Variants in PCDHA13 observed in about 807,000 individuals in gnomAD.
The protein encoded by PCDHA13 is protocadherin alpha 13.
Under a neutral mutation model 64.8 loss-of-function variants are expected in PCDHA13, and 54 were observed. That is an observed-to-expected ratio of 0.83 (90% CI 0.67 to 1.04). The LOEUF (loss-of-function observed/expected upper bound fraction) is 1.04. Ranked by LOEUF, PCDHA13 falls within the 50% of genes least tolerant of loss-of-function variation. PCDHA13 has a pLI of 0.00. For synonymous variants in PCDHA13, 587 were observed against 564.4 expected (o/e 1.04, Z -0.57); for missense variants, 1,248 against 1,254.3 (o/e 0.99, Z 0.08).
chr5:140,987,799 A>C (rs2097268880), intron 3 of PCDHA13, among the ~76,000 whole-genome samples: 2 of 152,140 alleles, frequency 1.3e-5, no homozygotes, highest in South Asian at 4.1e-4. Flanking sequence ...GATTTTTTTA[A>C]AGTGCCTGTC....
intron 1 of PCDHA13, among the ~76,000 whole-genome samples, chr5:140,898,790 AT>A (rs1193457354): frequency 2.6e-5 from 4 of 152,112 alleles, no homozygotes; most frequent in African/African-American, 7.2e-5. Flanking sequence ...CAGTATGGCC[AT>A]TTTCACGATA....
chr5:140,986,198 C>T (rs782730684), intron 3 of PCDHA13, among the ~76,000 whole-genome samples: 1 of 152,200 alleles, frequency 6.6e-6, no homozygotes, highest in African/African-American at 2.4e-5. Flanking sequence ...ATTGGTTAAT[C>T]CTGATTACTG....
chr5:140,940,195 T>C (rs2092570084), intron 1 of PCDHA13, among the ~76,000 whole-genome samples: 1 of 152,220 alleles, frequency 6.6e-6, no homozygotes, highest in African/African-American at 2.4e-5. Flanking sequence ...TTTACATGGG[T>C]GTAAAATTCA....
At chr5:140,966,268 A>C (rs542154117) in intron 1 of PCDHA13, 5 of 351,754 alleles carry the variant, frequency 1.4e-5, no homozygotes, top group African/African-American at 1.0e-4. Context: ...AGACTGGATG[A>C]ACTGGACAGT....
intron 1 of PCDHA13, among the ~76,000 whole-genome samples, chr5:140,886,642 A>T (rs1412113366): frequency 6.6e-6 from 1 of 152,048 alleles, no homozygotes; most frequent in African/African-American, 2.4e-5. Flanking sequence ...CCTGGCCAAC[A>T]TGGTGAAACC....
rs140680694 is a variant in PCDHA13, at chr5:140,925,580, G to A, written c.2394+40918G>A. 5.4e-3 allele frequency among the ~76,000 whole-genome samples: 819 copies of A among 151,688 alleles called. 10 individuals carry two copies. The highest frequency in any genetic ancestry group is 0.019 in the African/African-American group (777 of 41,364). On this transcript the variant is annotated intron_variant, in intron 1 of 3. Transcript: ENST00000289272. ...GTTAATGGGTGCAGCACACCAACATGGCGCATGTATACATATGTAACAAAC... is the reference window on the plus strand; with the variant it reads ...GTTAATGGGTGCAGCACACCAACATAGCGCATGTATACATATGTAACAAAC...
chr5:140,969,117 A>G (rs1554231477), intron 1 of PCDHA13: 1 of 1,614,178 alleles, frequency 6.2e-7, no homozygotes, highest in Non-Finnish European at 8.5e-7. Context: ...GTTCGAGGGA[A>G]TGGCTCCCTC....
intron 3 of PCDHA13, among the ~76,000 whole-genome samples, chr5:140,983,513 CTG>C (rs1165213074): frequency 6.6e-6 from 1 of 152,196 alleles, no homozygotes; most frequent in Non-Finnish European, 1.5e-5. Context: ...TGCCTAGACA[CTG>C]TGCCAAGTAC....
At chr5:140,960,785 A>C (rs1452809407) in intron 1 of PCDHA13, among the ~76,000 whole-genome samples, 2 of 152,200 alleles carry the variant, frequency 1.3e-5, no homozygotes, top group Admixed American at 1.3e-4. Context: ...AGGGCCAAAC[A>C]AGGTTTCTAT....
chr5:141,000,743 TA>T (rs527867626), intron 3 of PCDHA13, among the ~76,000 whole-genome samples: 276 of 145,094 alleles, frequency 1.9e-3, no homozygotes, highest in Admixed American at 4.4e-3. Context: ...CTCTGTATAT[TA>T]AAAAAAAAAA....
At chr5:140,885,313 A>G (rs2060560221) in intron 1 of PCDHA13, among the ~76,000 whole-genome samples, 1 of 152,144 alleles carries the variant, frequency 6.6e-6, no homozygotes, top group East Asian at 1.9e-4. Flanking sequence ...GCTTTTTGTT[A>G]TTATTTCTTT....
At chr5:140,952,242 C>T (rs1469286013) in intron 1 of PCDHA13, among the ~76,000 whole-genome samples, 2 of 151,750 alleles carry the variant, frequency 1.3e-5, no homozygotes, top group African/African-American at 4.8e-5. Context: ...CTGCTTAGAA[C>T]TGCTGGTGGA....
intron 3 of PCDHA13, among the ~76,000 whole-genome samples, chr5:141,005,934 G>A (rs556608068): frequency 3.4e-4 from 52 of 151,912 alleles, no homozygotes; most frequent in Non-Finnish European, 7.2e-4. Context: ...TTGACAGAGT[G>A]AGAACCTATC....
intron 1 of PCDHA13, among the ~76,000 whole-genome samples, chr5:140,935,657 T>C (rs2090486652): frequency 1.3e-5 from 2 of 152,176 alleles, no homozygotes; most frequent in Non-Finnish European, 2.9e-5. Flanking sequence ...TTTAATTTTC[T>C]TTTATAATTA....
intron 1 of PCDHA13, among the ~76,000 whole-genome samples, chr5:140,948,051 T>A (rs1554218425): frequency 2.0e-5 from 3 of 151,622 alleles, no homozygotes; most frequent in African/African-American, 7.2e-5. Context: ...CATGATTCAT[T>A]GTTGAATTTC....
At chr5:140,957,900 G>A (rs2095395670) in intron 1 of PCDHA13, among the ~76,000 whole-genome samples, 1 of 151,932 alleles carries the variant, frequency 6.6e-6, no homozygotes, top group South Asian at 2.1e-4. Flanking sequence ...CATCAACCAA[G>A]GCATATTGTT....
chr5:140,968,287 C>T lies in PCDHA13; in HGVS notation c.2395-10662C>T, dbSNP rs7712041. Reference sequence around the variant, plus strand: ...AGGAGAATGCAGAGGTGACCTACTCCCTTCTGGAGAGGGAGATTCAAGGGC... The same window carrying T: ...AGGAGAATGCAGAGGTGACCTACTCTCTTCTGGAGAGGGAGATTCAAGGGC... On this transcript the variant is annotated intron_variant, in intron 1 of 3. Coordinates refer to ENST00000289272, the MANE Select transcript of PCDHA13 (RefSeq NM_018904.3). The T allele has an allele frequency of 2.5e-3, 4,093 of 1,613,902 alleles. 64 individuals are homozygous for T. In the African/African-American group the frequency reaches 0.039, roughly 16 times the overall value.
intron 1 of PCDHA13, among the ~76,000 whole-genome samples, chr5:140,899,774 C>T (rs966615256): frequency 3.9e-5 from 6 of 152,122 alleles, no homozygotes; most frequent in African/African-American, 1.4e-4. Context: ...CCTCCTTTTA[C>T]CTCTGGTATA....
chr5:140,975,763 C>A (rs2096681691), intron 1 of PCDHA13, among the ~76,000 whole-genome samples: 1 of 152,140 alleles, frequency 6.6e-6, no homozygotes, highest in Non-Finnish European at 1.5e-5. Context: ...TGTCATAAAT[C>A]ACAGATAATA....
Sources: gnomAD v4.1 joint callset for allele counts (sites outside exome capture counted in the v4.1 genomes callset) on GRCh38, gnomAD v4.1.1 for gene constraint, MANE v1.5 for transcripts, NCBI Gene and HGNC (gene_info 2026-07-23, HGNC 2026-07-21) for gene names.